MAOA: variants seen among roughly 807,000 people sequenced by gnomAD.
The protein encoded by MAOA is amine oxidase [flavin-containing] A.
In MAOA, 6 loss-of-function variants were observed where a neutral mutation model predicts 42.0. The observed-to-expected ratio is 0.14, with a 90% CI of 0.08 to 0.28. The LOEUF (loss-of-function observed/expected upper bound fraction) is 0.28. MAOA is among the 10% of genes least tolerant of loss of function. The pLI is 1.00. For missense variants in MAOA, 262 were observed against 422.3 expected (o/e 0.62, Z 3.33); for synonymous variants, 140 against 154.0 (o/e 0.91, Z 0.67).
chrX:43,740,814 A>G, intron 11 of MAOA, 76 bp downstream of exon 11: 12 of 924,197 alleles, frequency 1.3e-5, no homozygotes, highest in Non-Finnish European at 1.7e-5. Context: ...GCATATTCTG[A>G]TTTTTTGACA....
chrX:43,698,733 A>C (rs1279923759), intron 3 of MAOA, among the ~76,000 whole-genome samples: 1 of 111,728 alleles, frequency 9.0e-6, no homozygotes, highest in Non-Finnish European at 1.9e-5. Context: ...CCCTCTTCTA[A>C]TTCTGGTTTA....
intron 10 of MAOA, 130 bp from the exon 11 acceptor site, chrX:43,740,551 A>G: frequency 4.0e-6 from 2 of 506,169 alleles, no homozygotes; most frequent in Non-Finnish European, 6.0e-6. Context: ...ACAGAAGGCC[A>G]TGGATTTTAA....
chrX:43,669,357 G>T (rs900881329), intron 1 of MAOA, among the ~76,000 whole-genome samples: 1 of 110,700 alleles, frequency 9.0e-6, no homozygotes, highest in African/African-American at 3.3e-5. Flanking sequence ...GGCAGAGATT[G>T]CAGTGAGCTG....
intron 10 of MAOA, among the ~76,000 whole-genome samples, chrX:43,739,122 G>A (rs757831038): frequency 1.8e-5 from 2 of 112,055 alleles, no homozygotes; most frequent in East Asian, 5.7e-4. Flanking sequence ...AGCTCCCTGA[G>A]CCTCGGTTTC....
chrX:43,733,948 A>G (rs775381478), intron 9 of MAOA, among the ~76,000 whole-genome samples: 71 of 111,787 alleles, frequency 6.4e-4, no homozygotes, highest in Non-Finnish European at 1.9e-4. Flanking sequence ...TGGGCAGAAG[A>G]GGATATAGGT....
At chrX:43,718,245 T>C (rs750328504) in intron 5 of MAOA, among the ~76,000 whole-genome samples, 34 of 106,081 alleles carry the variant, frequency 3.2e-4, no homozygotes, top group African/African-American at 1.2e-3. Flanking sequence ...ACAGGGTACA[T>C]TGGGTTTAGA....
At chrX:43,743,320 C>T in intron 12 of MAOA, among the ~76,000 whole-genome samples, 1 of 110,999 alleles carries the variant, frequency 9.0e-6, no homozygotes, top group Non-Finnish European at 1.9e-5. Flanking sequence ...CTCTCCTTTG[C>T]CAGAAATGAT....
intron 1 of MAOA, among the ~76,000 whole-genome samples, chrX:43,676,496 G>A (rs1165393718): frequency 1.8e-5 from 2 of 111,557 alleles, no homozygotes; most frequent in African/African-American, 3.3e-5. Flanking sequence ...GATGAACCCA[G>A]TACATCAGAT....
At chrX:43,695,502 G>A (rs1351781536) in intron 3 of MAOA, among the ~76,000 whole-genome samples, 2 of 111,212 alleles carry the variant, frequency 1.8e-5, no homozygotes, top group South Asian at 3.8e-4. Flanking sequence ...AGGCCAAGGC[G>A]GGAGGATCAT....
At chrX:43,719,705 A>G (rs746384199) in intron 5 of MAOA, among the ~76,000 whole-genome samples, 1 of 111,178 alleles carries the variant, frequency 9.0e-6, no homozygotes, top group South Asian at 3.9e-4. Flanking sequence ...TGGATGACGT[A>G]GGGGAATGGG....
At chrX:43,714,198 G>A (rs1225693005) in intron 5 of MAOA, among the ~76,000 whole-genome samples, 3 of 111,177 alleles carry the variant, frequency 2.7e-5, no homozygotes, top group African/African-American at 6.6e-5. Flanking sequence ...GGAGAAAGAT[G>A]GGTGGTGTTT....
chrX:43,666,748 C>T (rs1457094965), intron 1 of MAOA, among the ~76,000 whole-genome samples: 1 of 111,226 alleles, frequency 9.0e-6, no homozygotes, highest in African/African-American at 3.3e-5. Context: ...GTCTACAAGA[C>T]ACTCTGTCAC....
At chrX:43,739,544 T>G (rs1327925817) in intron 10 of MAOA, among the ~76,000 whole-genome samples, 1 of 112,218 alleles carries the variant, frequency 8.9e-6, no homozygotes, top group African/African-American at 3.2e-5. Context: ...GGGCATGTCT[T>G]TAAAATATTT....
intron 1 of MAOA, among the ~76,000 whole-genome samples, chrX:43,666,997 G>T (rs1447577792): frequency 2.7e-5 from 1 of 36,433 alleles, no homozygotes; most frequent in African/African-American, 7.7e-5. Context: ...CTGTCATGGG[G>T]TGGGGGGCGG....
At chrX:43,716,844 G>A (rs1196180995) in intron 5 of MAOA, among the ~76,000 whole-genome samples, 5 of 110,687 alleles carry the variant, frequency 4.5e-5, no homozygotes, top group Non-Finnish European at 9.5e-5. Context: ...GAATGGTGTG[G>A]CAGGATATAT....
chrX:43,740,352 C>A (rs1029655022), intron 10 of MAOA, among the ~76,000 whole-genome samples: 1 of 112,005 alleles, frequency 8.9e-6, no homozygotes, highest in African/African-American at 3.2e-5. Context: ...GTTCCTAAGA[C>A]TGGCTAAACT....
chrX:43,695,767 G>A (rs1341900402), intron 3 of MAOA, among the ~76,000 whole-genome samples: 1 of 111,480 alleles, frequency 9.0e-6, no homozygotes, highest in Non-Finnish European at 1.9e-5. Context: ...AGTAAAACAT[G>A]ATGCTAAGGT....
At chrX:43,674,675 G>A (rs966406161) in intron 1 of MAOA, among the ~76,000 whole-genome samples, 101 of 111,191 alleles carry the variant, frequency 9.1e-4, no homozygotes, top group African/African-American at 3.2e-3. Context: ...TTGATTGTTT[G>A]TAAAGTATTT....
intron 1 of MAOA, among the ~76,000 whole-genome samples, chrX:43,659,584 G>C (rs1445460105): frequency 9.0e-6 from 1 of 110,900 alleles, no homozygotes; most frequent in African/African-American, 3.3e-5. Flanking sequence ...TAGGACTTCA[G>C]CTGTCCCTTA....
Sources: gnomAD v4.1 joint callset for allele counts (sites outside exome capture counted in the v4.1 genomes callset) on GRCh38, gnomAD v4.1.1 for gene constraint, MANE v1.5 for transcripts, NCBI Gene and HGNC (gene_info 2026-07-23, HGNC 2026-07-21) for gene names.